DTHD1: variants seen among roughly 807,000 people sequenced by gnomAD.
DTHD1 encodes the protein death domain containing 1, also known as death domain-containing protein 1.
In DTHD1, 59 loss-of-function variants were observed where a neutral mutation model predicts 74.8. The observed-to-expected ratio is 0.79, with a 90% CI of 0.64 to 0.98. The LOEUF (loss-of-function observed/expected upper bound fraction) is 0.98, where lower values mean the gene tolerates loss of function less well. Ranked by LOEUF, DTHD1 falls within the 50% of genes least tolerant of loss-of-function variation. The pLI, the probability that DTHD1 is intolerant of heterozygous loss-of-function variation, is 0.00. For missense variants in DTHD1, 1,051 were observed against 1,065.4 expected, an observed-to-expected ratio of 0.99 and a Z score of 0.19; for synonymous variants, 365 against 371.1, an observed-to-expected ratio of 0.98 and a Z score of 0.19.
intron 5 of DTHD1, among the ~76,000 whole-genome samples, chr4:36,299,993 T>C (rs1045911151): frequency 6.6e-6 from 1 of 152,106 alleles, no homozygotes; most frequent in Non-Finnish European, 1.5e-5. Flanking sequence ...ACTTGGCCCT[T>C]ATTTAAATCT....
At chr4:36,304,007 A>G (rs1290474596) in intron 5 of DTHD1, among the ~76,000 whole-genome samples, 1 of 152,220 alleles carries the variant, frequency 6.6e-6, no homozygotes. Flanking sequence ...AGAGGCCAGG[A>G]AGTGTAACCC....
At chr4:36,298,181 G>A (rs1365148851) in intron 5 of DTHD1, among the ~76,000 whole-genome samples, 1 of 151,880 alleles carries the variant, frequency 6.6e-6, no homozygotes, top group Non-Finnish European at 1.5e-5. Context: ...AGCTCTCTAG[G>A]AGGAATCAAG....
At chr4:36,296,355 TTAA>T (rs1756395297) in intron 5 of DTHD1, among the ~76,000 whole-genome samples, 1 of 152,138 alleles carries the variant, frequency 6.6e-6, no homozygotes, top group African/African-American at 2.4e-5. Context: ...ATAGGCTGAC[TTAA>T]TAAGATTCAA....
chr4:36,284,514 C>T lies in DTHD1; in HGVS notation c.810C>T (p.Ile270=). 6.5e-7 allele frequency: 1 copy of T among 1,536,130 alleles called. No individual in the cohort carries two copies. Among genetic ancestry groups the T allele is most frequent in the South Asian group, 1.2e-5 (1 of 83,844 alleles). ...EMTTSSIICD[I]SKKYINSTLP... ...CCACATCCTCAATAATATGTGATAT[C>T]TCCAAGAAATATATAAATAGTACTC... Residue 270 remains isoleucine, a synonymous_variant, in exon 2 of 10, where the codon ATC becomes ATT. Transcript: ENST00000639862.
chr4:36,338,673 A>G (rs1759144744), intron 8 of DTHD1, among the ~76,000 whole-genome samples: 1 of 152,100 alleles, frequency 6.6e-6, no homozygotes, highest in East Asian at 1.9e-4. Context: ...TTCGAATAAT[A>G]TCTGCACTCT....
chr4:36,341,728 A>G (rs1245788879), intron 9 of DTHD1, among the ~76,000 whole-genome samples: 1 of 152,176 alleles, frequency 6.6e-6, no homozygotes, highest in Non-Finnish European at 1.5e-5. Flanking sequence ...AATGAAAGCT[A>G]AAAAAGACAA....
chr4:36,303,116 T>TA (rs957561621), intron 5 of DTHD1, among the ~76,000 whole-genome samples: 16 of 152,316 alleles, frequency 1.1e-4, no homozygotes, highest in Admixed American at 5.2e-4. Context: ...TAAACACATT[T>TA]AAAAAATAAA....
In DTHD1 at chr4:36,333,717, C is replaced by T. The variant is rs551409331; in HGVS notation, c.2341-5395C>T. On this transcript the variant is annotated intron_variant, in intron 8 of 9. Coordinates refer to ENST00000639862, the MANE Select transcript of DTHD1 (RefSeq NM_001170700.3). ...AGGAAAACTAAAGGACAGGTAGAAA[C>T]CATCATGGCATGCTACGTGGTGATA... 4 of 152,460 alleles carry T rather than the reference C, an allele frequency of 2.6e-5. No homozygotes were observed. In the East Asian group the frequency reaches 7.7e-4, roughly 29 times the overall value. The allele number at this position is 152,460 out of a possible 1,614,324, so 9.4% of individuals were successfully genotyped here.
intron 8 of DTHD1, among the ~76,000 whole-genome samples, chr4:36,334,291 C>G (rs1758869963): frequency 6.6e-6 from 1 of 151,994 alleles, no homozygotes; most frequent in East Asian, 1.9e-4. Context: ...CTTTTTTGCC[C>G]CTTTCTCAAG....
chr4:36,295,164 C>G (rs1427116233), intron 5 of DTHD1, 125 bp downstream of exon 5: 2 of 1,181,690 alleles, frequency 1.7e-6, no homozygotes, highest in Non-Finnish European at 2.2e-6. Flanking sequence ...TATCTTTAAT[C>G]TAGAAAGAAG....
At chr4:36,311,645 T>A (rs140406768) in intron 7 of DTHD1, 3 of 152,198 alleles carry the variant, frequency 2.0e-5, no homozygotes, top group Non-Finnish European at 2.9e-5. Context: ...TCACATGCAA[T>A]TTTCTATTTT....
At chr4:36,318,873 C>T (rs1757901310) in intron 8 of DTHD1, among the ~76,000 whole-genome samples, 1 of 152,270 alleles carries the variant, frequency 6.6e-6, no homozygotes, top group Admixed American at 6.5e-5. Flanking sequence ...CTCGGCCTCC[C>T]GAAGTGGTGG....
chr4:36,298,358 G>A (rs574791582), intron 5 of DTHD1, among the ~76,000 whole-genome samples: 8 of 152,208 alleles, frequency 5.3e-5, no homozygotes, highest in Middle Eastern at 6.8e-3. Flanking sequence ...GAGCAAACTC[G>A]TGGAAATGTA....
intron 7 of DTHD1, among the ~76,000 whole-genome samples, chr4:36,315,154 G>A (rs1005784314): frequency 6.6e-6 from 1 of 152,144 alleles, no homozygotes; most frequent in Non-Finnish European, 1.5e-5. Context: ...TATTGCCTTA[G>A]GAAACATGGT....
At chr4:36,329,429 G>A (rs886098484) in intron 8 of DTHD1, among the ~76,000 whole-genome samples, 1 of 152,192 alleles carries the variant, frequency 6.6e-6, no homozygotes, top group African/African-American at 2.4e-5. Flanking sequence ...TTCATTGTCA[G>A]AGCAGAGATG....
intron 8 of DTHD1, among the ~76,000 whole-genome samples, chr4:36,327,292 T>A (rs1394132021): frequency 6.6e-6 from 1 of 152,126 alleles, no homozygotes; most frequent in African/African-American, 2.4e-5. Context: ...TCTGCTATAA[T>A]AACCTAGAAA....
intron 8 of DTHD1, among the ~76,000 whole-genome samples, chr4:36,325,955 C>T (rs1758317053): frequency 6.6e-6 from 1 of 152,166 alleles, no homozygotes; most frequent in Non-Finnish European, 1.5e-5. Flanking sequence ...TTTCATCACT[C>T]TTCCAAAACT....
At chr4:36,343,158 C>G (rs1578503913) in intron 9 of DTHD1, among the ~76,000 whole-genome samples, 1 of 152,136 alleles carries the variant, frequency 6.6e-6, no homozygotes, top group African/African-American at 2.4e-5. Context: ...CTTCTGGGAG[C>G]TTGTTAAAAA....
chr4:36,341,060 G>C (rs1328522114), intron 9 of DTHD1, among the ~76,000 whole-genome samples: 1 of 152,150 alleles, frequency 6.6e-6, no homozygotes, highest in Non-Finnish European at 1.5e-5. Flanking sequence ...CATAAGATTG[G>C]AAAGAAAGGC....
Sources: allele counts gnomAD v4.1 joint callset (sites outside exome capture counted in the v4.1 genomes callset), GRCh38; gene constraint gnomAD v4.1.1; transcripts MANE v1.5; gene names NCBI Gene and HGNC (gene_info 2026-07-23, HGNC 2026-07-21).